The following MIOS variants were observed in gnomAD, a reference collection of about 807,000 sequenced individuals.
The protein encoded by MIOS is GATOR2 complex protein MIOS.
In MIOS, 52 loss-of-function variants were observed where a neutral mutation model predicts 96.9. The observed-to-expected ratio is 0.54, with a 90% CI of 0.43 to 0.68. MIOS has a LOEUF of 0.68. MIOS is among the 30% of genes least tolerant of loss of function. MIOS has a pLI of 0.00. For missense variants in MIOS, 1,005 were observed against 1,052.8 expected (o/e 0.95, Z 0.63); for synonymous variants, 397 against 359.5 (o/e 1.10, Z -1.18).
intron 7 of MIOS, among the ~76,000 whole-genome samples, chr7:7,586,988 C>CTTT (rs71988879): frequency 2.4e-5 from 3 of 123,052 alleles, no homozygotes; most frequent in African/African-American, 9.1e-5. Context: ...TTTTCTTTCC[C>CTTT]TTTTTTTTTT....
At chr7:7,603,180 A>G (rs1784428893) in intron 11 of MIOS, among the ~76,000 whole-genome samples, 1 of 152,202 alleles carries the variant, frequency 6.6e-6, no homozygotes, top group Non-Finnish European at 1.5e-5. Context: ...CTAAAACACC[A>G]AAAGCAATGG....
Position 7,608,857 on chromosome 7 carries a change from T to A in MIOS, c.*1765T>A, listed in dbSNP as rs1036810783. On this transcript the variant is annotated 3_prime_UTR_variant, in exon 13 of 13. Transcript: ENST00000340080. Reference sequence around the variant, plus strand: ...TATTATGTAATATGCTTATTTGTAATCCTAATATATGAGGGTGACATTTTT... The same window carrying A: ...TATTATGTAATATGCTTATTTGTAAACCTAATATATGAGGGTGACATTTTT... The A allele has an allele frequency of 6.6e-6, 1 of 152,054 alleles. No individual in the cohort carries two copies. Among genetic ancestry groups the A allele is most frequent in the East Asian group, 1.9e-4 (1 of 5,200 alleles). 9.4% of individuals were successfully genotyped at this position (152,054 alleles called of 1,614,324 possible).
rs539453326 is a variant in MIOS, at chr7:7,586,581, T to C, written c.1818+776T>C. Among the ~76,000 whole-genome samples, 6 of 152,330 alleles carry C rather than the reference T, an allele frequency of 3.9e-5. No homozygotes were observed. In the South Asian group the frequency reaches 1.0e-3, roughly 26 times the overall value. ...TTGCTACTGTACCATTTCTTATCAA[T>C]TATACATTTCTTGAATAAGTGATTT... On this transcript the variant is annotated intron_variant, in intron 7 of 12. Transcript: ENST00000340080.
chr7:7,599,364 TC>T (rs1254885629), intron 11 of MIOS, among the ~76,000 whole-genome samples: 1 of 152,160 alleles, frequency 6.6e-6, no homozygotes, highest in Non-Finnish European at 1.5e-5. Flanking sequence ...ATCCCAAACA[TC>T]CTGGATTCTG....
At chr7:7,603,950 A>G (rs7385346) in intron 11 of MIOS, among the ~76,000 whole-genome samples, 88,377 of 151,572 alleles carry the variant, frequency 0.58, 27,992 homozygotes, top group Admixed American at 0.72. Flanking sequence ...TTCTCAGCAA[A>G]CTATCGCAAG....
At chr7:7,589,056 C>T (rs1234028753) in intron 8 of MIOS, among the ~76,000 whole-genome samples, 1 of 152,048 alleles carries the variant, frequency 6.6e-6, no homozygotes, top group African/African-American at 2.4e-5. Flanking sequence ...TCTTAAAGTT[C>T]CCTTCCAACT....
chr7:7,570,373 G>C (rs1418781231), intron 3 of MIOS, among the ~76,000 whole-genome samples: 11 of 151,914 alleles, frequency 7.2e-5, no homozygotes, highest in Non-Finnish European at 7.4e-5. Flanking sequence ...AAATGCTAAA[G>C]AAGGAAATAA....
chr7:7,602,466 C>G (rs963785778), intron 11 of MIOS, among the ~76,000 whole-genome samples: 8 of 152,232 alleles, frequency 5.3e-5, no homozygotes, highest in South Asian at 4.1e-4. Flanking sequence ...AGTGAACTCC[C>G]ATTCACAATT....
intron 8 of MIOS, 65 bp from the exon 9 acceptor site, chr7:7,589,340 A>G: frequency 7.3e-7 from 1 of 1,364,108 alleles, no homozygotes; most frequent in Middle Eastern, 1.9e-4. Flanking sequence ...TTCAAAATGT[A>G]GTTTTGAAGT....
intron 5 of MIOS, among the ~76,000 whole-genome samples, chr7:7,575,475 C>T (rs879408272): frequency 2.4e-4 from 37 of 152,130 alleles, no homozygotes; most frequent in Non-Finnish European, 4.4e-4. Flanking sequence ...TTAGAAGCTG[C>T]TGTTTTTATT....
chr7:7,597,477 T>TAAATATAA (rs1440372158), intron 11 of MIOS, among the ~76,000 whole-genome samples: 1 of 27,636 alleles, frequency 3.6e-5, no homozygotes, highest in Admixed American at 3.7e-4. Context: ...TTTATATATA[T>TAAATATAA]ATATATATAT....
At chr7:7,570,716 G>C (rs1783322025) in intron 3 of MIOS, among the ~76,000 whole-genome samples, 1 of 152,072 alleles carries the variant, frequency 6.6e-6, no homozygotes, top group Non-Finnish European at 1.5e-5. Flanking sequence ...CTCTTGCACA[G>C]TTCACAATAG....
chr7:7,573,784 G>A lies in MIOS; in HGVS notation c.1294+15G>A, dbSNP rs768397487. The A allele has an allele frequency of 6.5e-6, 10 of 1,545,340 alleles. No homozygotes were observed. Among genetic ancestry groups the A allele is most frequent in the Non-Finnish European group, 8.7e-6 (10 of 1,148,462 alleles). ...TACTCTGCACTATATCCTTTTCATTGTGAATTTTGTGAGGTGAATCAGGTA... is the reference window on the plus strand; with the variant it reads ...TACTCTGCACTATATCCTTTTCATTATGAATTTTGTGAGGTGAATCAGGTA... On this transcript the variant is annotated intron_variant, in intron 4 of 12. Coordinates refer to ENST00000340080, the MANE Select transcript of MIOS (RefSeq NM_019005.4). This position sits in a 1 kb window ranked among gnomAD's most constrained non-coding sequence, Gnocchi z 5.0.
intron 5 of MIOS, 81 bp from the exon 6 acceptor site, chr7:7,583,037 C>G (rs1783779247): frequency 7.3e-7 from 1 of 1,373,208 alleles, no homozygotes. Flanking sequence ...CTAAATGTGT[C>G]AACATAGTTC....
At chr7:7,578,284 A>T (rs566696709) in intron 5 of MIOS, among the ~76,000 whole-genome samples, 3 of 152,326 alleles carry the variant, frequency 2.0e-5, no homozygotes, top group African/African-American at 7.2e-5. Flanking sequence ...GCAAGTTCAC[A>T]GTGTTATTAG....
At position 7,572,771 on chromosome 7, in the gene MIOS, A is replaced by G. The variant is rs1423899024; in HGVS notation, c.296A>G (p.Lys99Arg). 2.5e-6 allele frequency: 4 copies of G among 1,614,182 alleles called. No individual in the cohort carries two copies. The highest frequency in any genetic ancestry group is 3.4e-6 in the Non-Finnish European group (4 of 1,179,982). The change falls in exon 4 of 13, where the codon AAG becomes AGG. Residue 99 changes from lysine to arginine, a missense_variant. Around this residue, in one of 3 missense-constraint regions of MIOS, gnomAD observed 137 missense variants for 148.6 expected, o/e 0.92. Transcript: ENST00000340080. This position sits in a 1 kb window ranked among gnomAD's most constrained non-coding sequence, Gnocchi z 4.8. ...LTSLGQDHNS[K>R]FKDLIGKEFV... ...AGCCTTGGTCAAGATCATAACTCAA[A>G]GTTCAAAGATTTGATAGGAAAAGAG...
intron 11 of MIOS, among the ~76,000 whole-genome samples, chr7:7,604,166 TAACA>T (rs977795410): frequency 3.3e-5 from 5 of 152,064 alleles, no homozygotes; most frequent in African/African-American, 7.2e-5. Context: ...TATACATATA[TAACA>T]AACCTGCACG....
chr7:7,600,058 C>T (rs577916543), intron 11 of MIOS, among the ~76,000 whole-genome samples: 10 of 151,960 alleles, frequency 6.6e-5, no homozygotes, highest in Non-Finnish European at 2.9e-5. Context: ...AACTACCTGT[C>T]GGGTACTATG....
intron 6 of MIOS, among the ~76,000 whole-genome samples, chr7:7,583,872 T>C (rs900534108): frequency 1.3e-4 from 20 of 152,266 alleles, no homozygotes; most frequent in African/African-American, 4.8e-4. Context: ...GCTTCTTGAA[T>C]CTGGTGATTA....
Sources: gnomAD v4.1 joint callset for allele counts (sites outside exome capture counted in the v4.1 genomes callset) on GRCh38, gnomAD v4.1.1 for gene constraint, gnomAD v4.1.1 regional missense constraint, Gnocchi (gnomAD v3.1) non-coding constraint, MANE v1.5 for transcripts, NCBI Gene and HGNC (gene_info 2026-07-23, HGNC 2026-07-21) for gene names.